SPATA21: variants seen among roughly 807,000 people sequenced by gnomAD.
SPATA21 encodes spermatogenesis associated 21, also known as spermatogenesis-associated protein 21.
Under a neutral mutation model 54.8 loss-of-function variants are expected in SPATA21, and 47 were observed. That is an observed-to-expected ratio of 0.86 (90% CI 0.68 to 1.09). The LOEUF (loss-of-function observed/expected upper bound fraction) is 1.09. SPATA21 is among the 50% of genes least tolerant of loss of function. The probability of loss-of-function intolerance (pLI) is 0.00; values close to 1 mark genes in which losing one functional copy is unlikely to be tolerated. For synonymous variants in SPATA21, 245 were observed against 235.3 expected (o/e 1.04, Z -0.38); for missense variants, 599 against 596.4 (o/e 1.00, Z -0.05).
downstream of SPATA21, chr1:16,397,361 CTG>C (rs923561526): frequency 7.9e-5 from 12 of 152,268 alleles, no homozygotes; most frequent in Non-Finnish European, 1.6e-4. This position sits in a 1 kb window ranked among gnomAD's most constrained non-coding sequence, Gnocchi z 5.4. Flanking sequence ...AAACAGGAAA[CTG>C]TATTGTGTCG....
At position 16,400,735 on chromosome 1, in the gene SPATA21, T is replaced by G. The variant is rs2085419077; in HGVS notation, c.1159A>C (p.Lys387Gln). ...RKVLSILSRL[K>Q]QQNYAPNLQS... ...GGGCCCTCACCATAGTTCTGCTGCT[T>G]CAGCCGGCTCAGGATACTGAGGACC... The change falls in exon 11 of 13, where the codon AAG (lysine) becomes CAG (glutamine). Residue 387 changes from lysine (K) to glutamine (Q), a missense_variant. Transcript: ENST00000335496. The G allele has an allele frequency of 6.2e-7, 1 of 1,613,914 alleles. No individual in the cohort carries two copies. The highest frequency in any genetic ancestry group is 1.3e-5 in the African/African-American group (1 of 75,044).
chr1:16,432,478 G>A (rs972569294), intron 2 of SPATA21, among the ~76,000 whole-genome samples: 1 of 151,796 alleles, frequency 6.6e-6, no homozygotes, highest in South Asian at 2.1e-4. Flanking sequence ...ATGTTCAGCT[G>A]TGCCACCACC....
At chr1:16,426,404 A>AT (rs2086317774) in intron 3 of SPATA21, among the ~76,000 whole-genome samples, 1 of 151,288 alleles carries the variant, frequency 6.6e-6, no homozygotes, top group Admixed American at 6.6e-5. Context: ...GACTACAGGC[A>AT]TATGCCACCA....
chr1:16,421,879 G>T lies in SPATA21; in HGVS notation c.95+32C>A. Reference sequence around the variant, plus strand: ...ACTCAGCAGAAGAGCATCCTTGTTGGGGGCAGGGGATGGCACTGGATGATG... The same window carrying T: ...ACTCAGCAGAAGAGCATCCTTGTTGTGGGCAGGGGATGGCACTGGATGATG... On this transcript the variant is annotated intron_variant, in intron 4 of 12. Transcript: ENST00000335496. The surrounding 1 kb of genome is among the most constrained non-coding windows in gnomAD (Gnocchi z 5.2). 6.2e-7 allele frequency: 1 copy of T among 1,614,146 alleles called. No homozygotes were observed.
chr1:16,435,612 C>T (rs1039301282), intron 1 of SPATA21, among the ~76,000 whole-genome samples: 1 of 151,208 alleles, frequency 6.6e-6, no homozygotes, highest in Non-Finnish European at 1.5e-5. Context: ...CCACCATGCC[C>T]GGCCCCCCCC....
Position 16,409,347 on chromosome 1 carries a change from G to T in SPATA21, c.588-144C>A. On this transcript the variant is annotated intron_variant, in intron 6 of 12. Transcript: ENST00000335496. The surrounding 1 kb of genome is among the most constrained non-coding windows in gnomAD (Gnocchi z 4.1). ...GAGAGATCAAGAATGGCAGGAAAAA[G>T]GAGATCCAGAGGAGAAGTGGGACAG... 1.1e-6 allele frequency: 1 copy of T among 937,718 alleles called. No homozygotes were observed. The highest frequency in any genetic ancestry group is 2.4e-5 in the Admixed American group (1 of 41,808). The allele number at this position is 937,718 out of a possible 1,614,324, so 58.1% of individuals were successfully genotyped here.
At chr1:16,427,724 G>T in intron 3 of SPATA21, 1 of 856,518 alleles carries the variant, frequency 1.2e-6, no homozygotes, top group Non-Finnish European at 1.7e-6. Flanking sequence ...TGCAACTGGT[G>T]CAATGAAAGA....
At chr1:16,411,027 C>T (rs904327474) in intron 5 of SPATA21, 1 of 166,846 alleles carries the variant, frequency 6.0e-6, no homozygotes, top group South Asian at 1.3e-4. Flanking sequence ...CTGTTCCCTC[C>T]CCTCAGAGGG....
At chr1:16,398,855 A>G in intron 12 of SPATA21, 33 bp from the exon 13 acceptor site, 1 of 1,600,764 alleles carries the variant, frequency 6.2e-7, no homozygotes, top group African/African-American at 1.3e-5. Context: ...AGGGTGGGAG[A>G]CATGTGGCCC....
chr1:16,415,478 G>A (rs571682547), intron 5 of SPATA21, among the ~76,000 whole-genome samples: 5 of 152,356 alleles, frequency 3.3e-5, no homozygotes, highest in Admixed American at 2.6e-4. Flanking sequence ...TCCAAAGTCC[G>A]GGGCCTCTGC....
Position 16,409,239 on chromosome 1 carries a change from C to T in SPATA21, c.588-36G>A, listed in dbSNP as rs772527197. ...CAGAACCCCGACCCAGGGCAACATC[C>T]GGCCGCCCACCCTGCTGATAGCTAG... On this transcript the variant is annotated intron_variant, in intron 6 of 12. Transcript: ENST00000335496. This position sits in a 1 kb window ranked among gnomAD's most constrained non-coding sequence, Gnocchi z 4.1. 3 of 1,611,606 alleles carry T rather than the reference C, an allele frequency of 1.9e-6. No individual in the cohort carries two copies. The highest frequency in any genetic ancestry group is 1.7e-6 in the Non-Finnish European group (2 of 1,178,390).
rs746057456 is a variant in SPATA21, at chr1:16,399,526, TGAA to T, written c.1175-8_1175-6del. 11 of 1,611,432 alleles carry T rather than the reference TGAA, an allele frequency of 6.8e-6. No individual in the cohort carries two copies. Among genetic ancestry groups the T allele is most frequent in the African/African-American group, 1.3e-5 (1 of 74,844 alleles). ...AGGGGCTCTGCAGGTTGGGAGCTGG[TGAA>T]GAAGGAGGCAGAAGGAGGAATGCTT... On this transcript the variant is annotated splice_region_variant and splice_polypyrimidine_tract_variant and intron_variant, in intron 11 of 12. Transcript: ENST00000335496.
intron 10 of SPATA21, among the ~76,000 whole-genome samples, chr1:16,402,219 CCTTT>C (rs1233434409): frequency 6.9e-6 from 1 of 144,392 alleles, no homozygotes; most frequent in Non-Finnish European, 1.5e-5. Context: ...CAGGCTTTTC[CCTTT>C]CTTCTGGCAG....
At chr1:16,410,837 C>G (rs767718179) in intron 5 of SPATA21, 1 of 402,564 alleles carries the variant, frequency 2.5e-6, no homozygotes, top group Non-Finnish European at 5.0e-6. Context: ...TGTTCCACCG[C>G]GCCCGGCTGA....
chr1:16,431,560 A>G, intron 2 of SPATA21, 138 bp from the exon 3 acceptor site: 1 of 731,976 alleles, frequency 1.4e-6, no homozygotes, highest in South Asian at 2.0e-5. Flanking sequence ...AGAGGCACGC[A>G]GCAAAACCAG....
intron 11 of SPATA21, 31 bp downstream of exon 11, chr1:16,400,689 T>G (rs878940500): frequency 6.3e-7 from 1 of 1,590,092 alleles, no homozygotes; most frequent in African/African-American, 1.3e-5. Context: ...GCCCCAACCC[T>G]AGCCCATCCC....
chr1:16,434,765 G>A (rs1430979892), intron 1 of SPATA21, among the ~76,000 whole-genome samples: 1 of 152,130 alleles, frequency 6.6e-6, no homozygotes, highest in Non-Finnish European at 1.5e-5. Flanking sequence ...CTTTCTCAAA[G>A]TGGCTGTATC....
At chr1:16,429,577 C>T (rs139286111) in intron 3 of SPATA21, among the ~76,000 whole-genome samples, 2,108 of 152,132 alleles carry the variant, frequency 0.014, 44 homozygotes, top group African/African-American at 0.046. Context: ...CAGGTTCAAG[C>T]GATTCTCCTG....
chr1:16,411,409 C>T (rs2085839033), intron 5 of SPATA21, among the ~76,000 whole-genome samples: 1 of 152,014 alleles, frequency 6.6e-6, no homozygotes, highest in East Asian at 1.9e-4. Flanking sequence ...GTCTCAAAAC[C>T]CTTGGCCCAA....
Sources: gnomAD v4.1 joint callset for allele counts (sites outside exome capture counted in the v4.1 genomes callset) on GRCh38, gnomAD v4.1.1 for gene constraint, Gnocchi (gnomAD v3.1) non-coding constraint, MANE v1.5 for transcripts, NCBI Gene and HGNC (gene_info 2026-07-23, HGNC 2026-07-21) for gene names.